TSG101: variants seen among roughly 807,000 people sequenced by gnomAD.
The protein encoded by TSG101 is tumor susceptibility gene 101 protein.
A neutral mutation model predicts 48.5 loss-of-function variants in TSG101; 19 were observed. The observed-to-expected ratio is 0.39, with a 90% CI of 0.27 to 0.58. TSG101 has a LOEUF of 0.58. Among genes scored for constraint, TSG101 ranks in the 20% least tolerant of loss-of-function variants. TSG101 has a pLI of 0.55. For missense variants in TSG101, 365 were observed against 484.4 expected, an observed-to-expected ratio of 0.75 and a Z score of 2.31; for synonymous variants, 174 against 169.4, an observed-to-expected ratio of 1.03 and a Z score of -0.21.
intron 7 of TSG101, among the ~76,000 whole-genome samples, chr11:18,492,581 CT>C (rs942450530): frequency 6.6e-6 from 1 of 152,094 alleles, no homozygotes; most frequent in African/African-American, 2.4e-5. Flanking sequence ...CTTGCCAAGA[CT>C]TTCCAGCCAA....
intron 7 of TSG101, among the ~76,000 whole-genome samples, chr11:18,499,410 T>A (rs1200847333): frequency 1.3e-3 from 25 of 19,082 alleles, no homozygotes; most frequent in African/African-American, 2.5e-3. Context: ...ATATTTTTTT[T>A]TTTTTTTTTT....
At position 18,516,371 on chromosome 11, in the gene TSG101, GTC is replaced by G. The variant is rs539568384; in HGVS notation, c.128-209_128-208del. ...GCTCTTTTTTGTTTTTTTTTTCAGA[GTC>G]TCATCCTGTTGCCCAGGATGGAGTG... On this transcript the variant is annotated intron_variant, in intron 2 of 9. Transcript: ENST00000251968. Among the ~76,000 whole-genome samples the G allele has an allele frequency of 1.4e-3, 217 of 150,512 alleles. 2 individuals carry two copies. The highest frequency in any genetic ancestry group is 5.0e-3 in the African/African-American group (204 of 40,872).
intron 4 of TSG101, among the ~76,000 whole-genome samples, chr11:18,509,968 A>G (rs570559187): frequency 6.6e-6 from 1 of 152,322 alleles, no homozygotes; most frequent in East Asian, 1.9e-4. Flanking sequence ...TTTTATTGCC[A>G]CTGTACAATG....
intron 4 of TSG101, among the ~76,000 whole-genome samples, chr11:18,510,028 A>G (rs1414599554): frequency 6.6e-6 from 1 of 152,196 alleles, no homozygotes; most frequent in East Asian, 1.9e-4. Flanking sequence ...AGCAACAGTC[A>G]CAATATTATT....
chr11:18,513,658 T>C (rs1478117919), intron 4 of TSG101, among the ~76,000 whole-genome samples: 1 of 152,180 alleles, frequency 6.6e-6, no homozygotes, highest in Admixed American at 6.5e-5. Flanking sequence ...CTAGTTACTT[T>C]GGTAGACAGA....
At chr11:18,510,407 C>A (rs1408157217) in intron 4 of TSG101, among the ~76,000 whole-genome samples, 1 of 152,054 alleles carries the variant, frequency 6.6e-6, no homozygotes, top group African/African-American at 2.4e-5. Flanking sequence ...GGCGACAGAG[C>A]AAGACTCTGT....
At position 18,509,551 on chromosome 11, in the gene TSG101, G is replaced by A; in HGVS notation, c.472C>T (p.Pro158Ser). ...ASYPPYQATG[P>S]PNTSYMPGMP... ...TCTCAATTCTACTTACTATTTGGTGGCCCCGTTGCCTGGTATGGCGGATAG... is the reference window on the plus strand; with the variant it reads ...TCTCAATTCTACTTACTATTTGGTGACCCCGTTGCCTGGTATGGCGGATAG... Residue 158 changes from proline (P) to serine (S), a missense_variant, in exon 5 of 10, where the codon CCA (proline) becomes TCA (serine). Coordinates refer to ENST00000251968, the MANE Select transcript of TSG101 (RefSeq NM_006292.4). 6.2e-7 allele frequency: 1 copy of A among 1,612,794 alleles called. No individual in the cohort carries two copies. Among genetic ancestry groups the A allele is most frequent in the Non-Finnish European group, 8.5e-7 (1 of 1,179,298 alleles).
chr11:18,483,969 A>G lies in TSG101; in HGVS notation c.744T>C (p.Arg248=). 1 of 1,614,192 alleles carries G rather than the reference A, an allele frequency of 6.2e-7. No individual in the cohort carries two copies. Among genetic ancestry groups the G allele is most frequent in the South Asian group, 1.1e-5 (1 of 91,084 alleles). Residue 248 remains arginine, a synonymous_variant, in exon 8 of 10, where the codon CGT becomes CGC. Transcript: ENST00000251968. ...TCAAGGCATTGAGCTCTGCCTGGGC[A>G]CGATCCATTTCCTCCTTCATCCGCC... is the stretch of plus-strand genomic sequence containing the variant. The part of the protein sequence containing the change: ...LRWRMKEEMD[R]AQAELNALKR...
chr11:18,482,144 A>C (rs1327318788), intron 8 of TSG101, among the ~76,000 whole-genome samples: 1 of 152,242 alleles, frequency 6.6e-6, no homozygotes, highest in Non-Finnish European at 1.5e-5. Context: ...TGATACTGCA[A>C]ACTAAGCCAT....
chr11:18,481,494 A>C, intron 9 of TSG101, 136 bp downstream of exon 9: 1 of 1,451,020 alleles, frequency 6.9e-7, no homozygotes, highest in South Asian at 1.5e-5. Context: ...AAAACCCTAC[A>C]TCTCATTTAG....
chr11:18,526,934 C>T lies in TSG101; in HGVS notation c.-118G>A. The T allele has an allele frequency of 1.9e-6, 2 of 1,031,650 alleles. No individual in the cohort carries two copies. The highest frequency in any genetic ancestry group is 2.8e-6 in the Non-Finnish European group (2 of 708,794). The allele number at this position is 1,031,650 out of a possible 1,614,324, so 63.9% of individuals were successfully genotyped here. A position where few individuals can be genotyped will look rare whatever the true frequency, so the allele number is the denominator to read the frequency against. On this transcript the variant is annotated 5_prime_UTR_variant, in exon 1 of 10. Coordinates refer to ENST00000251968, the MANE Select transcript of TSG101 (RefSeq NM_006292.4). The stretch of plus-strand genomic sequence containing the variant: ...CCGGCCTCAAACAACAGGAAGTCGG[C>T]ACCACTACACCACTTCCGCTTCCAC...
chr11:18,509,481 C>A (rs2292176), intron 5 of TSG101, 61 bp downstream of exon 5: 275,010 of 1,524,200 alleles, frequency 0.18, 25,939 homozygotes, highest in Admixed American at 0.25. Flanking sequence ...TATTTTTTTA[C>A]AAAGGTTTCT....
chr11:18,511,704 A>G (rs1850085442), intron 4 of TSG101, among the ~76,000 whole-genome samples: 4 of 152,182 alleles, frequency 2.6e-5, no homozygotes, highest in African/African-American at 9.7e-5. Context: ...TTATTATTTC[A>G]CGAAGCTATG....
In TSG101 at chr11:18,519,508, C is replaced by T; in HGVS notation, c.127+11G>A. The T allele has an allele frequency of 6.3e-7, 1 of 1,587,222 alleles. No individual in the cohort carries two copies. The highest frequency in any genetic ancestry group is 8.6e-7 in the Non-Finnish European group (1 of 1,159,168). On this transcript the variant is annotated intron_variant, in intron 2 of 9. Transcript: ENST00000251968. ...AGTATAGAAATTGCTATTTTTACTGCATAAACTCACCATATGAATCCAAAA... is the reference window on the plus strand; with the variant it reads ...AGTATAGAAATTGCTATTTTTACTGTATAAACTCACCATATGAATCCAAAA...
At chr11:18,525,740 C>T in intron 1 of TSG101, 1 of 934,122 alleles carries the variant, frequency 1.1e-6, no homozygotes, top group Non-Finnish European at 1.3e-6. Context: ...AACCAAGAAG[C>T]CTAAAATATA....
intron 8 of TSG101, among the ~76,000 whole-genome samples, chr11:18,482,184 C>G (rs1849551069): frequency 6.6e-6 from 1 of 152,208 alleles, no homozygotes; most frequent in Non-Finnish European, 1.5e-5. Flanking sequence ...CAGAAGGTTC[C>G]TTTACATAGA....
chr11:18,526,700 G>A (rs1209241463), intron 1 of TSG101, 75 bp downstream of exon 1: 12 of 1,542,792 alleles, frequency 7.8e-6, no homozygotes, highest in Admixed American at 5.5e-5. Context: ...TGCTTGGCTG[G>A]GCCGGGACGG....
At chr11:18,502,618 C>T (rs374339797) in intron 6 of TSG101, 41 bp from the exon 7 acceptor site, 1 of 1,491,372 alleles carries the variant, frequency 6.7e-7, no homozygotes. Context: ...TTAAGATGAC[C>T]CAACCTTATA....
chr11:18,497,259 A>G (rs1021407351), intron 7 of TSG101, among the ~76,000 whole-genome samples: 1 of 152,202 alleles, frequency 6.6e-6, no homozygotes, highest in African/African-American at 2.4e-5. Context: ...CTTTAAGTCT[A>G]AAGTTCAACA....
Sources: gnomAD v4.1 joint callset for allele counts (sites outside exome capture counted in the v4.1 genomes callset) on GRCh38, gnomAD v4.1.1 for gene constraint, MANE v1.5 for transcripts, NCBI Gene and HGNC (gene_info 2026-07-23, HGNC 2026-07-21) for gene names.